Variants in PCDH9 observed in about 807,000 individuals in gnomAD.
The protein encoded by PCDH9 is protocadherin 9, also known as protocadherin-9.
In PCDH9, 24 loss-of-function variants were observed where a neutral mutation model predicts 70.6. That is an observed-to-expected ratio of 0.34 (90% CI 0.25 to 0.48). The LOEUF (loss-of-function observed/expected upper bound fraction) is 0.48, where lower values mean the gene tolerates loss of function less well. Ranked by LOEUF, PCDH9 falls within the 20% of genes least tolerant of loss-of-function variation. The pLI, the probability that PCDH9 is intolerant of heterozygous loss-of-function variation, is 0.99. For synonymous variants in PCDH9, 562 were observed against 558.5 expected (o/e 1.01, Z -0.09); for missense variants, 1,281 against 1,503.6 (o/e 0.85, Z 2.45).
intron 2 of PCDH9, among the ~76,000 whole-genome samples, chr13:67,106,798 C>G (rs1777942176): frequency 6.6e-6 from 1 of 152,228 alleles, no homozygotes. Flanking sequence ...CCCCTGGCCT[C>G]TCCCTGCCCC....
intron 2 of PCDH9, among the ~76,000 whole-genome samples, chr13:66,928,501 G>A (rs879441190): frequency 6.6e-6 from 1 of 152,076 alleles, no homozygotes; most frequent in Admixed American, 6.6e-5. Context: ...TAGTCTGAAG[G>A]TTTGTGTTCC....
intron 2 of PCDH9, chr13:67,224,745 T>C: frequency 1.3e-6 from 1 of 783,688 alleles, no homozygotes; most frequent in Non-Finnish European, 1.5e-6. Flanking sequence ...TTTTTTTTTT[T>C]TTGAAAGAGT....
At chr13:67,148,684 C>T (rs567367161) in intron 2 of PCDH9, among the ~76,000 whole-genome samples, 1 of 152,034 alleles carries the variant, frequency 6.6e-6, no homozygotes, top group African/African-American at 2.4e-5. Flanking sequence ...AAGTCCTTAT[C>T]TATGTTCTTT....
rs67182136 is a variant in PCDH9 at position 66,944,817 on chromosome 13, CTGTGTGTGTGTGTGTGTGTG to C, written c.3037-41232_3037-41213del. On this transcript the variant is annotated intron_variant, in intron 2 of 4. Transcript: ENST00000377865. ...TTTAAGGCCCATCTTCTAATCGTCT[CTGTGTGTGTGTGTGTGTGTG>C]TGTGTGTGTGTGTGTGTGTGATTTA... Among the ~76,000 whole-genome samples, 369 of 135,448 alleles carry C rather than the reference CTGTGTGTGTGTGTGTGTGTG, an allele frequency of 2.7e-3. 4 individuals are homozygous for C. The highest frequency in any genetic ancestry group is 0.01 in the African/African-American group (358 of 35,236). The allele number at this position is 135,448 out of a possible 152,430, so 88.9% of individuals were successfully genotyped here. A position where few individuals can be genotyped will look rare whatever the true frequency, so the allele number is the denominator to read the frequency against.
At chr13:67,000,102 G>A (rs1259515039) in intron 2 of PCDH9, among the ~76,000 whole-genome samples, 7 of 152,076 alleles carry the variant, frequency 4.6e-5, no homozygotes, top group Non-Finnish European at 1.0e-4. Context: ...ACAATGATAG[G>A]CTGGATTAAG....
At chr13:66,654,638 C>G (rs1001375809) in intron 3 of PCDH9, among the ~76,000 whole-genome samples, 1 of 152,040 alleles carries the variant, frequency 6.6e-6, no homozygotes, top group African/African-American at 2.4e-5. Flanking sequence ...AAATTAAATA[C>G]TGAAAATTCA....
chr13:66,532,273 G>A (rs1276674067), intron 4 of PCDH9, among the ~76,000 whole-genome samples: 7 of 152,026 alleles, frequency 4.6e-5, no homozygotes, highest in Non-Finnish European at 7.4e-5. Context: ...CAAAGTGTCC[G>A]GATGATGGGC....
chr13:67,075,813 TGAC>T (rs1042944912), intron 2 of PCDH9, among the ~76,000 whole-genome samples: 4 of 151,982 alleles, frequency 2.6e-5, no homozygotes, highest in African/African-American at 9.7e-5. Flanking sequence ...AACAAATAAA[TGAC>T]AATAATAATA....
At chr13:66,576,270 G>T (rs1024276948) in intron 4 of PCDH9, among the ~76,000 whole-genome samples, 5 of 151,934 alleles carry the variant, frequency 3.3e-5, no homozygotes, top group African/African-American at 9.7e-5. Flanking sequence ...TATAAATGAA[G>T]ATTGTAGCTC....
chr13:66,310,440 C>T (rs1350424302), intron 4 of PCDH9, among the ~76,000 whole-genome samples: 3 of 151,972 alleles, frequency 2.0e-5, no homozygotes, highest in East Asian at 3.9e-4. Context: ...TAGTAGAATA[C>T]TTGAGTGGTT....
Position 66,831,936 on chromosome 13 carries a change from A to G in PCDH9, c.3138+71568T>C, listed in dbSNP as rs114229668. On this transcript the variant is annotated intron_variant, in intron 3 of 4. Transcript: ENST00000377865. The stretch of plus-strand genomic sequence containing the variant: ...TGCCAAAATGTCTGCATAATTCCTT[A>G]TAAATCATTTTTTTAGGGGACATAA... 6.9e-3 allele frequency among the ~76,000 whole-genome samples: 1,058 copies of G among 152,280 alleles called. 12 individuals are homozygous for G. The highest frequency in any genetic ancestry group is 0.024 in the African/African-American group (1,009 of 41,568).
At chr13:67,177,030 GT>G (rs1281311956) in intron 2 of PCDH9, among the ~76,000 whole-genome samples, 1 of 151,944 alleles carries the variant, frequency 6.6e-6, no homozygotes, top group Non-Finnish European at 1.5e-5. Context: ...TTGCTACCTT[GT>G]CTGTTATGAA....
Position 66,779,815 on chromosome 13 carries a change from ATCTCTC to A in PCDH9, c.3138+123683_3138+123688del, listed in dbSNP as rs1225450927. Reference sequence around the variant, plus strand: ...CAGCCTGGCAACAGAGCGAGACTCCATCTCTCTCTCTCTCTCTCTCTCTCTCTCTCT... The same window carrying A: ...CAGCCTGGCAACAGAGCGAGACTCCATCTCTCTCTCTCTCTCTCTCTCTCT... On this transcript the variant is annotated intron_variant, in intron 3 of 4. Coordinates refer to ENST00000377865, the MANE Select transcript of PCDH9 (RefSeq NM_203487.3). 2.9e-4 allele frequency among the ~76,000 whole-genome samples: 29 copies of A among 100,900 alleles called. No individual in the cohort carries two copies. The South Asian group carries it at 4.4e-3, about 15-fold the overall frequency. The allele number at this position is 100,900 out of a possible 152,430, so 66.2% of individuals were successfully genotyped here.
intron 2 of PCDH9, among the ~76,000 whole-genome samples, chr13:67,093,720 G>C (rs1161418982): frequency 6.6e-6 from 1 of 152,122 alleles, no homozygotes; most frequent in African/African-American, 2.4e-5. Context: ...TACAGACAGT[G>C]GGGCCCATGA....
intron 4 of PCDH9, among the ~76,000 whole-genome samples, chr13:66,388,122 A>G (rs2138260832): frequency 6.6e-6 from 1 of 152,310 alleles, no homozygotes; most frequent in South Asian, 2.1e-4. Context: ...TAGTTGTCTC[A>G]AATTTTATCC....
intron 3 of PCDH9, among the ~76,000 whole-genome samples, chr13:66,878,152 A>T (rs1416527688): frequency 6.6e-6 from 1 of 152,124 alleles, no homozygotes; most frequent in Non-Finnish European, 1.5e-5. Context: ...GAGTAAAGGC[A>T]ATCCAATTCA....
In PCDH9 at chr13:66,379,638, A is replaced by C. The variant is rs541946979; in HGVS notation, c.3341-74610T>G. Among the ~76,000 whole-genome samples, 260 of 152,306 alleles carry C rather than the reference A, an allele frequency of 1.7e-3. 1 individual carries two copies. Among genetic ancestry groups the C allele is most frequent in the Admixed American group, 3.2e-3 (49 of 15,294 alleles). On this transcript the variant is annotated intron_variant, in intron 4 of 4. Transcript: ENST00000377865. ...ATGCTTACAAAGCTCTGAGCCAAAG[A>C]GGCAGGGTATCTATAGTGCTGTATT...
chr13:66,548,011 TTGTA>T lies in PCDH9; in HGVS notation c.3340+83195_3340+83198del, dbSNP rs138956797. Reference sequence around the variant, plus strand: ...AGCTTTTTGTTGTTTGCGTGTGTATTTGTATGTATGTATGTATGTATGTTTGTGT... The same window carrying T: ...AGCTTTTTGTTGTTTGCGTGTGTATTTGTATGTATGTATGTATGTTTGTGT... On this transcript the variant is annotated intron_variant, in intron 4 of 4. Coordinates refer to ENST00000377865, the MANE Select transcript of PCDH9 (RefSeq NM_203487.3). Among the ~76,000 whole-genome samples the T allele has an allele frequency of 6.0e-5, 9 of 149,150 alleles. No homozygotes were observed. In the South Asian group the frequency reaches 6.3e-4, roughly 10 times the overall value.
At chr13:66,931,046 G>C (rs762229149) in intron 2 of PCDH9, among the ~76,000 whole-genome samples, 3 of 152,110 alleles carry the variant, frequency 2.0e-5, no homozygotes, top group Admixed American at 6.6e-5. Flanking sequence ...ATTTTCAAAA[G>C]AGAAACCTAT....
Sources: gnomAD v4.1 joint callset for allele counts (sites outside exome capture counted in the v4.1 genomes callset) on GRCh38, gnomAD v4.1.1 for gene constraint, MANE v1.5 for transcripts, NCBI Gene and HGNC (gene_info 2026-07-23, HGNC 2026-07-21) for gene names.